SCP2: variants seen among roughly 807,000 people sequenced by gnomAD.
SCP2 encodes SCP-2/3-oxoacyl-CoA thiolase.
In SCP2, 48 loss-of-function variants were observed where a neutral mutation model predicts 71.4. That is an observed-to-expected ratio of 0.67 (90% CI 0.53 to 0.86). The LOEUF (loss-of-function observed/expected upper bound fraction) is 0.86, where lower values mean the gene tolerates loss of function less well. SCP2 is among the 40% of genes least tolerant of loss of function. The pLI is 0.00. For synonymous variants in SCP2, 220 were observed against 218.1 expected (o/e 1.01, Z -0.08); for missense variants, 560 against 655.6 (o/e 0.85, Z 1.59).
At chr1:53,035,795 G>C (rs972119305) in intron 13 of SCP2, among the ~76,000 whole-genome samples, 1 of 152,114 alleles carries the variant, frequency 6.6e-6, no homozygotes, top group Non-Finnish European at 1.5e-5. Flanking sequence ...TTCTCTTACA[G>C]CTCTGTGAGG....
intron 6 of SCP2, among the ~76,000 whole-genome samples, chr1:52,964,435 C>T (rs548720745): frequency 6.6e-6 from 1 of 151,898 alleles, no homozygotes; most frequent in Middle Eastern, 3.4e-3. Flanking sequence ...CTCCTGACCT[C>T]GTGATCCGCC....
chr1:52,948,435 G>A (rs1655000297), intron 3 of SCP2, among the ~76,000 whole-genome samples: 1 of 152,084 alleles, frequency 6.6e-6, no homozygotes. Context: ...CACGAGGTCA[G>A]GAGATCGAGA....
At chr1:52,967,094 G>A (rs1572104592) in intron 6 of SCP2, among the ~76,000 whole-genome samples, 1 of 152,046 alleles carries the variant, frequency 6.6e-6, no homozygotes, top group African/African-American at 2.4e-5. Flanking sequence ...GGAGGCTGAG[G>A]CAGGAAAATC....
At chr1:53,035,488 C>T (rs910921737) in intron 13 of SCP2, among the ~76,000 whole-genome samples, 6 of 152,132 alleles carry the variant, frequency 3.9e-5, no homozygotes, top group Admixed American at 3.9e-4. Flanking sequence ...GAAGATACTA[C>T]CTCTCTCCTA....
At chr1:52,994,226 CA>C in intron 11 of SCP2, 1 of 1,016,236 alleles carries the variant, frequency 9.8e-7, no homozygotes, top group Non-Finnish European at 1.2e-6. Context: ...GTGGTATGGT[CA>C]CTGAAGCCTT....
rs147697594 is a variant in SCP2 at position 52,927,411 on chromosome 1, G to A, written c.15G>A (p.Pro5=). 6.9e-6 allele frequency: 11 copies of A among 1,598,254 alleles called. No homozygotes were observed. Among genetic ancestry groups the A allele is most frequent in the Middle Eastern group, 1.7e-4 (1 of 5,720 alleles). Residue 5 remains proline, a synonymous_variant, in exon 1 of 16, where the codon CCG becomes CCA. Coordinates refer to ENST00000371514, the MANE Select transcript of SCP2 (RefSeq NM_002979.5). The stretch of plus-strand genomic sequence containing the variant: ...CTGGTGCAGCCATGTCCTCTTCCCC[G>A]TGGGAGCCTGCGACCCTGCGCCGGG... MSSS[P]WEPATLRRVF...
At chr1:53,032,346 G>A (rs1393315697) in intron 13 of SCP2, among the ~76,000 whole-genome samples, 4 of 152,118 alleles carry the variant, frequency 2.6e-5, no homozygotes, top group African/African-American at 9.7e-5. Flanking sequence ...GAGAGACATG[G>A]AAAAATATTT....
intron 11 of SCP2, among the ~76,000 whole-genome samples, chr1:53,009,732 C>G (rs1041234542): frequency 1.3e-5 from 2 of 152,282 alleles, no homozygotes; most frequent in Admixed American, 1.3e-4. Flanking sequence ...GACTTCATGA[C>G]TAAAACACCA....
intron 11 of SCP2, among the ~76,000 whole-genome samples, chr1:52,999,332 T>C (rs1275875476): frequency 6.6e-6 from 1 of 152,208 alleles, no homozygotes; most frequent in Non-Finnish European, 1.5e-5. Context: ...GATAACAAAC[T>C]GCAATAGAAT....
intron 7 of SCP2, among the ~76,000 whole-genome samples, 182 bp from the exon 8 acceptor site, chr1:52,976,501 C>T (rs1657982598): frequency 1.3e-5 from 2 of 152,234 alleles, no homozygotes; most frequent in Admixed American, 1.3e-4. Context: ...AAAAATAAAA[C>T]ATACTGTATT....
At chr1:52,968,588 A>C (rs1166136943) in intron 6 of SCP2, among the ~76,000 whole-genome samples, 1 of 152,210 alleles carries the variant, frequency 6.6e-6, no homozygotes, top group Admixed American at 6.5e-5. Flanking sequence ...GACCATCACC[A>C]TGATTAATTT....
At chr1:52,977,227 T>C (rs1365885085) in intron 8 of SCP2, among the ~76,000 whole-genome samples, 4 of 152,094 alleles carry the variant, frequency 2.6e-5, no homozygotes, top group Admixed American at 6.6e-5. Flanking sequence ...TCCTAGAAAA[T>C]TGAGTGAGTA....
At chr1:53,049,078 G>A (rs922884749) in intron 15 of SCP2, 1 of 152,200 alleles carries the variant, frequency 6.6e-6, no homozygotes, top group South Asian at 2.1e-4. Flanking sequence ...TGATGTTTCA[G>A]CTGAATACAC....
At chr1:53,029,465 G>C (rs937881118) in intron 13 of SCP2, among the ~76,000 whole-genome samples, 4 of 152,056 alleles carry the variant, frequency 2.6e-5, no homozygotes, top group African/African-American at 4.8e-5. Context: ...ACCGTATAAG[G>C]CATGGTTACA....
intron 5 of SCP2, among the ~76,000 whole-genome samples, chr1:52,958,896 C>T (rs894456799): frequency 2.0e-5 from 3 of 151,890 alleles, no homozygotes; most frequent in East Asian, 1.9e-4. Context: ...TGTTTATGTC[C>T]GCAAGGGTGT....
chr1:52,935,921 G>C (rs761238382), intron 1 of SCP2, among the ~76,000 whole-genome samples: 2 of 151,904 alleles, frequency 1.3e-5, no homozygotes, highest in African/African-American at 2.4e-5. Flanking sequence ...CTGGGTGACA[G>C]AGCAAGAACC....
At chr1:52,981,115 A>G (rs1658450197) in intron 10 of SCP2, among the ~76,000 whole-genome samples, 1 of 152,138 alleles carries the variant, frequency 6.6e-6, no homozygotes, top group African/African-American at 2.4e-5. Context: ...TATTTTTAGT[A>G]GAGACAGGGT....
rs762959346 is a variant in SCP2, at chr1:52,980,537, C to G, written c.967C>G (p.Pro323Ala). The change falls in exon 10 of 16, where the codon CCA (proline) becomes GCA (alanine). Residue 323 changes from proline (P) to alanine (A), a missense_variant. Pro to Ala is a conservative substitution (Grantham distance 27, BLOSUM62 -1). Transcript: ENST00000371514. Reference protein sequence around the residue: ...LLTYEALGLCPEGQGATLVDR... With the variant: ...LLTYEALGLCAEGQGATLVDR... ...TACTTATGAAGCACTGGGACTCTGTCCAGAAGGTAACATCTTTGAATAGGG... is the reference window on the plus strand; with the variant it reads ...TACTTATGAAGCACTGGGACTCTGTGCAGAAGGTAACATCTTTGAATAGGG... The G allele has an allele frequency of 6.2e-7, 1 of 1,613,542 alleles. No homozygotes were observed. Among genetic ancestry groups the G allele is most frequent in the South Asian group, 1.1e-5 (1 of 91,056 alleles).
rs370787153 is a variant in SCP2, at chr1:52,956,902, CTTTTTTT to C, written c.396+2117_396+2123del. 1.6e-3 allele frequency among the ~76,000 whole-genome samples: 165 copies of C among 105,870 alleles called. 1 individual carries two copies. The highest frequency in any genetic ancestry group is 4.7e-3 in the African/African-American group (115 of 24,730). 69.5% of individuals were successfully genotyped at this position (105,870 alleles called of 152,430 possible). A position where few individuals can be genotyped will look rare whatever the true frequency, so the allele number is the denominator to read the frequency against. ...ATAAATTAAAAGTCCCTCCTTCTGCCTTTTTTTTTTTTTTTTTTTTTTTTTGAGACCA... is the reference window on the plus strand; with the variant it reads ...ATAAATTAAAAGTCCCTCCTTCTGCCTTTTTTTTTTTTTTTTTTGAGACCA... On this transcript the variant is annotated intron_variant, in intron 5 of 15. Transcript: ENST00000371514.
Sources: allele counts gnomAD v4.1 joint callset (sites outside exome capture counted in the v4.1 genomes callset), GRCh38; gene constraint gnomAD v4.1.1; transcripts MANE v1.5; gene names NCBI Gene and HGNC (gene_info 2026-07-23, HGNC 2026-07-21).